The following PDSS2 variants were observed in gnomAD, a reference collection of about 807,000 sequenced individuals.
PDSS2 encodes decaprenyl diphosphate synthase subunit 2.
A neutral mutation model predicts 44.5 loss-of-function variants in PDSS2; 31 were observed. That is an observed-to-expected ratio of 0.70 (90% CI 0.52 to 0.94). The LOEUF is 0.94. Among genes scored for constraint, PDSS2 ranks in the 40% least tolerant of loss-of-function variants. The pLI is 0.00. For synonymous variants in PDSS2, 157 were observed against 180.3 expected (o/e 0.87, Z 1.03); for missense variants, 452 against 482.2 (o/e 0.94, Z 0.59).
At chr6:107,372,743 C>T (rs1779166535) in intron 1 of PDSS2, among the ~76,000 whole-genome samples, 1 of 151,994 alleles carries the variant, frequency 6.6e-6, no homozygotes, top group Non-Finnish European at 1.5e-5. Flanking sequence ...TGAGCCACTG[C>T]GCCCGGCCCT....
At chr6:107,416,083 G>A (rs894308655) in intron 1 of PDSS2, among the ~76,000 whole-genome samples, 2 of 152,220 alleles carry the variant, frequency 1.3e-5, no homozygotes, top group African/African-American at 4.8e-5. Context: ...CAGGGAAGCA[G>A]GGAACAAATT....
At chr6:107,305,082 C>A (rs561632328) in intron 2 of PDSS2, among the ~76,000 whole-genome samples, 1 of 152,124 alleles carries the variant, frequency 6.6e-6, no homozygotes, top group Non-Finnish European at 1.5e-5. Context: ...AACTTAAAGT[C>A]TCATAGGTTT....
chr6:107,281,856 C>T (rs1440057801), intron 2 of PDSS2, among the ~76,000 whole-genome samples: 1 of 152,008 alleles, frequency 6.6e-6, no homozygotes, highest in Admixed American at 6.6e-5. Context: ...CCCTAGGCTG[C>T]CTATAAATAT....
chr6:107,227,263 G>GTAAGCCAC (rs1406756507), intron 4 of PDSS2, among the ~76,000 whole-genome samples: 1 of 131,914 alleles, frequency 7.6e-6, no homozygotes, highest in Non-Finnish European at 1.6e-5. Flanking sequence ...GATTATAGGT[G>GTAAGCCAC]TAAGCCACTG....
chr6:107,398,177 C>T (rs1183864521), intron 1 of PDSS2, among the ~76,000 whole-genome samples: 2 of 152,180 alleles, frequency 1.3e-5, no homozygotes, highest in Non-Finnish European at 2.9e-5. Flanking sequence ...TTCCCAACTG[C>T]TTATCTGTGG....
intron 6 of PDSS2, among the ~76,000 whole-genome samples, chr6:107,207,228 G>A (rs992075390): frequency 1.3e-5 from 2 of 151,980 alleles, no homozygotes; most frequent in Non-Finnish European, 2.9e-5. Flanking sequence ...TCCTGACCTC[G>A]TGATCCGCCT....
At chr6:107,343,156 C>G (rs1343046946) in intron 1 of PDSS2, among the ~76,000 whole-genome samples, 1 of 152,100 alleles carries the variant, frequency 6.6e-6, no homozygotes, top group Non-Finnish European at 1.5e-5. Flanking sequence ...TCCAGTAAGT[C>G]TATCCAAAAA....
intron 7 of PDSS2, 71 bp downstream of exon 7, chr6:107,193,751 C>G (rs1222104742): frequency 3.2e-6 from 3 of 934,672 alleles, no homozygotes; most frequent in African/African-American, 3.2e-5. Flanking sequence ...TTTGACCTTT[C>G]AAATATAAAC....
intron 3 of PDSS2, among the ~76,000 whole-genome samples, chr6:107,261,263 G>T (rs1775212495): frequency 6.6e-6 from 1 of 152,204 alleles, no homozygotes; most frequent in Admixed American, 6.5e-5. Flanking sequence ...AATGCAGGAG[G>T]TGGGGCTGGT....
At chr6:107,303,563 A>T (rs1776763490) in intron 2 of PDSS2, among the ~76,000 whole-genome samples, 1 of 152,242 alleles carries the variant, frequency 6.6e-6, no homozygotes, top group African/African-American at 2.4e-5. Flanking sequence ...TTTTCCATAA[A>T]AATGTGTTCA....
intron 2 of PDSS2, among the ~76,000 whole-genome samples, chr6:107,295,660 T>A (rs1006185444): frequency 6.6e-6 from 1 of 152,198 alleles, no homozygotes; most frequent in African/African-American, 2.4e-5. Context: ...ACAGCCAGTG[T>A]GACCTGTGAA....
intron 6 of PDSS2, among the ~76,000 whole-genome samples, chr6:107,196,311 C>T (rs1772561909): frequency 6.6e-6 from 1 of 152,200 alleles, no homozygotes; most frequent in African/African-American, 2.4e-5. Context: ...CCTAGCTACT[C>T]ACTTTGATAT....
chr6:107,402,554 A>ATATATATATATAT (rs1337717601), intron 1 of PDSS2, among the ~76,000 whole-genome samples: 1 of 61,796 alleles, frequency 1.6e-5, no homozygotes, highest in African/African-American at 4.7e-5. Flanking sequence ...TATATATATA[A>ATATATATATATAT]AAATATATAT....
At chr6:107,166,123 T>TG (rs1554247473) in intron 7 of PDSS2, among the ~76,000 whole-genome samples, 1 of 152,114 alleles carries the variant, frequency 6.6e-6, no homozygotes, top group Non-Finnish European at 1.5e-5. Context: ...AGGGACAATT[T>TG]GACTTCCTCT....
chr6:107,248,899 C>G (rs928060982), intron 3 of PDSS2, among the ~76,000 whole-genome samples: 3 of 152,102 alleles, frequency 2.0e-5, no homozygotes, highest in African/African-American at 7.2e-5. Context: ...CTTTTTGTAC[C>G]AAATCCCCTT....
At chr6:107,405,066 T>A (rs1317971246) in intron 1 of PDSS2, among the ~76,000 whole-genome samples, 4 of 151,534 alleles carry the variant, frequency 2.6e-5, no homozygotes, top group South Asian at 2.1e-4. Flanking sequence ...GAAAACCCCA[T>A]CAGAGTAACA....
intron 1 of PDSS2, among the ~76,000 whole-genome samples, chr6:107,396,280 C>T (rs1353868598): frequency 6.6e-6 from 1 of 152,156 alleles, no homozygotes; most frequent in Non-Finnish European, 1.5e-5. Flanking sequence ...GTTACCAAGA[C>T]CTGCCCAAAC....
chr6:107,411,373 AC>A (rs1402735079), intron 1 of PDSS2, among the ~76,000 whole-genome samples: 11 of 152,334 alleles, frequency 7.2e-5, no homozygotes, highest in Admixed American at 7.2e-4. Context: ...ATTTATGAAA[AC>A]TGGACAACCA....
intron 2 of PDSS2, among the ~76,000 whole-genome samples, chr6:107,294,139 C>T (rs1383435948): frequency 6.6e-6 from 1 of 152,124 alleles, no homozygotes; most frequent in Non-Finnish European, 1.5e-5. Context: ...AAGAGGGAAC[C>T]TTGGCAGGCT....
Sources: allele counts gnomAD v4.1 joint callset (sites outside exome capture counted in the v4.1 genomes callset), GRCh38; gene constraint gnomAD v4.1.1; transcripts MANE v1.5; gene names NCBI Gene and HGNC (gene_info 2026-07-23, HGNC 2026-07-21).